The following SLC9A9 variants were observed in gnomAD, a reference collection of about 807,000 sequenced individuals.
SLC9A9 encodes solute carrier family 9 member A9.
A neutral mutation model predicts 77.8 loss-of-function variants in SLC9A9; 62 were observed. The ratio of observed to expected loss-of-function variants is 0.80; its 90% CI spans 0.65 to 0.98. The LOEUF (loss-of-function observed/expected upper bound fraction) is 0.98. Ranked by LOEUF, SLC9A9 falls within the 50% of genes least tolerant of loss-of-function variation. The pLI, the probability that SLC9A9 is intolerant of heterozygous loss-of-function variation, is 0.00. For synonymous variants in SLC9A9, 320 were observed against 283.5 expected (o/e 1.13, Z -1.29); for missense variants, 775 against 774.9 (o/e 1.00, Z 0.00).
Position 143,690,777 on chromosome 3 carries a change from A to T in SLC9A9, c.649+2415T>A, listed in dbSNP as rs550929810. 2.3e-3 allele frequency among the ~76,000 whole-genome samples: 352 copies of T among 152,266 alleles called. 2 individuals are homozygous for T. The highest frequency in any genetic ancestry group is 8.1e-3 in the African/African-American group (338 of 41,550). ...CACATTATTTTGAAAATTAGTAAAT[A>T]AAGAGAAAAAATGGATTATTTGCCC... On this transcript the variant is annotated intron_variant, in intron 5 of 15. Coordinates refer to ENST00000316549, the MANE Select transcript of SLC9A9 (RefSeq NM_173653.4).
intron 4 of SLC9A9, among the ~76,000 whole-genome samples, chr3:143,719,577 TTACAATGATGTG>T (rs1243560154): frequency 7.3e-5 from 11 of 150,906 alleles, no homozygotes; most frequent in African/African-American, 2.7e-4. Context: ...GTGAGATTCT[TTACAATGATGTG>T]GCCCAGGGCA....
chr3:143,693,425 A>T, intron 4 of SLC9A9, 118 bp from the exon 5 acceptor site: 1 of 817,896 alleles, frequency 1.2e-6, no homozygotes. Context: ...AATTGCCACC[A>T]TCCTGCCAAA....
At chr3:143,503,762 T>C in intron 9 of SLC9A9, 2 of 344,218 alleles carry the variant, frequency 5.8e-6, no homozygotes, top group Non-Finnish European at 1.1e-5. Context: ...TGAGTCCTTC[T>C]ATAATGCTAA....
At position 143,767,383 on chromosome 3, in the gene SLC9A9, T is replaced by C. The variant is rs998505322; in HGVS notation, c.533+27618A>G. ...AACAGTAAGTGTCTGTGTATGTGTG[T>C]GTGTGTGTGTGTGTGTGTGTGTGTG... On this transcript the variant is annotated intron_variant, in intron 4 of 15. Transcript: ENST00000316549. Among the ~76,000 whole-genome samples, 3 of 150,598 alleles carry C rather than the reference T, an allele frequency of 2.0e-5. No homozygotes were observed. The South Asian group carries it at 6.4e-4, about 32-fold the overall frequency.
chr3:143,468,790 C>G (rs2035327010), intron 11 of SLC9A9, among the ~76,000 whole-genome samples: 1 of 152,070 alleles, frequency 6.6e-6, no homozygotes, highest in Non-Finnish European at 1.5e-5. Flanking sequence ...CCTGTTTTTT[C>G]TTATTTTACT....
chr3:143,566,417 C>A (rs569261640), intron 8 of SLC9A9, among the ~76,000 whole-genome samples: 8 of 152,242 alleles, frequency 5.3e-5, no homozygotes, highest in African/African-American at 1.9e-4. Flanking sequence ...ACATCTTGGT[C>A]AATTCCTTAA....
At chr3:143,638,574 G>A (rs983536758) in intron 6 of SLC9A9, among the ~76,000 whole-genome samples, 2 of 152,226 alleles carry the variant, frequency 1.3e-5, no homozygotes, top group Non-Finnish European at 2.9e-5. Context: ...AACGGGAAAA[G>A]TGATATATTT....
intron 9 of SLC9A9, among the ~76,000 whole-genome samples, chr3:143,504,932 G>C (rs1195881056): frequency 1.3e-5 from 2 of 152,106 alleles, no homozygotes; most frequent in African/African-American, 4.8e-5. Context: ...TACGATTCAG[G>C]CTCTGGAGTG....
At chr3:143,299,709 C>T (rs1312346254) in intron 14 of SLC9A9, among the ~76,000 whole-genome samples, 3 of 152,192 alleles carry the variant, frequency 2.0e-5, no homozygotes, top group Non-Finnish European at 2.9e-5. Context: ...TCCCAAAGTG[C>T]TGGGATTACA....
intron 7 of SLC9A9, among the ~76,000 whole-genome samples, chr3:143,575,433 T>C (rs1385246860): frequency 6.6e-6 from 1 of 152,174 alleles, no homozygotes; most frequent in Non-Finnish European, 1.5e-5. Flanking sequence ...CTAGTTAATA[T>C]ATGTTAAGTA....
intron 4 of SLC9A9, among the ~76,000 whole-genome samples, chr3:143,774,879 G>T (rs1407528701): frequency 6.6e-6 from 1 of 152,144 alleles, no homozygotes; most frequent in Non-Finnish European, 1.5e-5. Context: ...CGCCTCAACT[G>T]CTCGGTTGCC....
intron 9 of SLC9A9, among the ~76,000 whole-genome samples, chr3:143,498,413 G>C (rs1173930307): frequency 6.6e-6 from 1 of 152,028 alleles, no homozygotes; most frequent in Non-Finnish European, 1.5e-5. Context: ...AATTAGCCAG[G>C]GATGGTGGTG....
intron 4 of SLC9A9, among the ~76,000 whole-genome samples, chr3:143,698,350 G>A (rs1045846305): frequency 1.3e-5 from 2 of 152,130 alleles, no homozygotes; most frequent in African/African-American, 2.4e-5. Flanking sequence ...AATATCCTTT[G>A]AAAAACAGAG....
intron 9 of SLC9A9, among the ~76,000 whole-genome samples, chr3:143,529,819 C>G (rs922399604): frequency 6.6e-6 from 1 of 152,186 alleles, no homozygotes; most frequent in African/African-American, 2.4e-5. Flanking sequence ...AGATTGGACA[C>G]TGTATCTGAT....
intron 13 of SLC9A9, among the ~76,000 whole-genome samples, chr3:143,373,915 T>G (rs555080108): frequency 6.6e-6 from 1 of 152,278 alleles, no homozygotes; most frequent in South Asian, 2.1e-4. Context: ...AAAGCAATAG[T>G]TGAATATTTC....
At chr3:143,665,197 A>ATT (rs1305118893) in intron 5 of SLC9A9, among the ~76,000 whole-genome samples, 4 of 152,262 alleles carry the variant, frequency 2.6e-5, no homozygotes, top group Admixed American at 2.6e-4. Context: ...AAAACCGCTC[A>ATT]ACTACATGGA....
intron 6 of SLC9A9, among the ~76,000 whole-genome samples, chr3:143,627,855 G>C (rs1163401229): frequency 6.6e-6 from 1 of 152,146 alleles, no homozygotes; most frequent in South Asian, 2.1e-4. Context: ...CTGTGAATGA[G>C]ACCAACACAA....
At chr3:143,847,634 T>A (rs112293998) in intron 1 of SLC9A9, 2,152 of 156,144 alleles carry the variant, frequency 0.014, 51 homozygotes, top group African/African-American at 0.049. Context: ...TAAGACACTG[T>A]TCGTATAAAT....
chr3:143,498,862 G>A (rs2108595064), intron 9 of SLC9A9, among the ~76,000 whole-genome samples: 1 of 152,242 alleles, frequency 6.6e-6, no homozygotes, highest in Non-Finnish European at 1.5e-5. Context: ...CAATATGTTT[G>A]TGAGATTCTT....
Sources: allele counts gnomAD v4.1 joint callset (sites outside exome capture counted in the v4.1 genomes callset), GRCh38; gene constraint gnomAD v4.1.1; transcripts MANE v1.5; gene names NCBI Gene and HGNC (gene_info 2026-07-23, HGNC 2026-07-21).